HEATR5A: variants seen among roughly 807,000 people sequenced by gnomAD.
The protein encoded by HEATR5A is HEAT repeat containing 5A.
HEATR5A carries 178 observed loss-of-function variants against 218.8 expected under a neutral mutation model. The ratio of observed to expected loss-of-function variants is 0.81; its 90% CI spans 0.72 to 0.92. The LOEUF (loss-of-function observed/expected upper bound fraction) is 0.92. HEATR5A is among the 40% of genes least tolerant of loss of function. The pLI, the probability that HEATR5A is intolerant of heterozygous loss-of-function variation, is 0.00. For missense variants in HEATR5A, 2,420 were observed against 2,418.9 expected (o/e 1.00, Z -0.01); for synonymous variants, 864 against 871.6 (o/e 0.99, Z 0.15).
intron 14 of HEATR5A, among the ~76,000 whole-genome samples, chr14:31,360,950 G>A (rs1348578102): frequency 6.6e-6 from 1 of 151,970 alleles, no homozygotes; most frequent in East Asian, 1.9e-4. Flanking sequence ...GATTACACAC[G>A]GTGCTTGGCT....
At chr14:31,418,096 T>C (rs975974403) in intron 1 of HEATR5A, among the ~76,000 whole-genome samples, 2 of 151,878 alleles carry the variant, frequency 1.3e-5, no homozygotes, top group Non-Finnish European at 2.9e-5. Context: ...TACTCCCAGC[T>C]ACTCGGGAGG....
chr14:31,298,857 T>TTTCTC (rs991495046), intron 33 of HEATR5A, among the ~76,000 whole-genome samples: 2 of 152,160 alleles, frequency 1.3e-5, no homozygotes, highest in African/African-American at 4.8e-5. Context: ...CATTTAGCTA[T>TTTCTC]TTCTCTTCTT....
At chr14:31,368,811 C>T (rs1215406807) in intron 13 of HEATR5A, among the ~76,000 whole-genome samples, 1 of 151,912 alleles carries the variant, frequency 6.6e-6, no homozygotes, top group Non-Finnish European at 1.5e-5. Context: ...ATCCTCTCAC[C>T]TCAGCCTCCC....
intron 25 of HEATR5A, among the ~76,000 whole-genome samples, chr14:31,318,672 TAG>T (rs754400117): frequency 2.2e-4 from 33 of 152,310 alleles, no homozygotes; most frequent in Non-Finnish European, 4.1e-4. Context: ...GTATTTTTAG[TAG>T]AGACAGGGTT....
chr14:31,409,703 A>C (rs1200294083), intron 1 of HEATR5A, among the ~76,000 whole-genome samples: 1 of 152,096 alleles, frequency 6.6e-6, no homozygotes, highest in African/African-American at 2.4e-5. Context: ...AAACAAACAA[A>C]ACCAACCATA....
At chr14:31,356,344 C>T (rs1053946724) in intron 16 of HEATR5A, among the ~76,000 whole-genome samples, 1 of 152,158 alleles carries the variant, frequency 6.6e-6, no homozygotes, top group Non-Finnish European at 1.5e-5. Context: ...TCAAGCGAAC[C>T]TCCCACCTCA....
chr14:31,381,214 A>C (rs118181747), intron 10 of HEATR5A, among the ~76,000 whole-genome samples: 1,923 of 152,106 alleles, frequency 0.013, 24 homozygotes, highest in African/African-American at 0.038. Flanking sequence ...TGCCACTGAA[A>C]CTCCAGCCTG....
At chr14:31,340,273 G>A (rs1466036863) in intron 21 of HEATR5A, among the ~76,000 whole-genome samples, 1 of 152,108 alleles carries the variant, frequency 6.6e-6, no homozygotes, top group Non-Finnish European at 1.5e-5. Flanking sequence ...GGAAGGATTT[G>A]CTTATACTGG....
At chr14:31,302,682 A>G (rs1473322174) in intron 32 of HEATR5A, 163 bp from the exon 33 acceptor site, 1 of 576,252 alleles carries the variant, frequency 1.7e-6, no homozygotes, top group Non-Finnish European at 3.0e-6. Flanking sequence ...GCTTTATTAA[A>G]ATTTTTATGG....
chr14:31,387,823 G>A (rs1296725646), intron 7 of HEATR5A, among the ~76,000 whole-genome samples: 1 of 152,156 alleles, frequency 6.6e-6, no homozygotes, highest in Non-Finnish European at 1.5e-5. Context: ...GCCTCCCAAA[G>A]TGCTGGGATT....
chr14:31,335,940 C>T (rs1195948130), intron 22 of HEATR5A, among the ~76,000 whole-genome samples: 1 of 150,642 alleles, frequency 6.6e-6, no homozygotes, highest in Non-Finnish European at 1.5e-5. Context: ...CAAGCGTGAG[C>T]CACTGTGACC....
intron 9 of HEATR5A, among the ~76,000 whole-genome samples, chr14:31,384,593 C>A (rs1352982539): frequency 6.7e-6 from 1 of 149,628 alleles, no homozygotes; most frequent in Admixed American, 6.7e-5. Context: ...GTGGTGCAAT[C>A]TTGGTTCACT....
chr14:31,389,571 A>T (rs1816840863), intron 6 of HEATR5A, among the ~76,000 whole-genome samples: 1 of 152,190 alleles, frequency 6.6e-6, no homozygotes, highest in Admixed American at 6.5e-5. Context: ...TAACTAAGAG[A>T]TTAATTAAGG....
intron 22 of HEATR5A, among the ~76,000 whole-genome samples, chr14:31,328,573 T>A (rs1361830910): frequency 6.6e-6 from 1 of 152,042 alleles, no homozygotes; most frequent in African/African-American, 2.4e-5. Context: ...CAAGACTGGG[T>A]AATTTATTTA....
At chr14:31,371,697 T>C (rs1902043418) in intron 13 of HEATR5A, 113 bp downstream of exon 13, 1 of 456,300 alleles carries the variant, frequency 2.2e-6, no homozygotes. Context: ...AACTAACTGA[T>C]TGCCTTCCTC....
At chr14:31,367,517 C>T (rs1595143173) in intron 13 of HEATR5A, among the ~76,000 whole-genome samples, 1 of 151,280 alleles carries the variant, frequency 6.6e-6, no homozygotes, top group Non-Finnish European at 1.5e-5. Flanking sequence ...CTCCTGCCTC[C>T]ACCTCCTGAG....
At chr14:31,310,742 T>C (rs570617125) in intron 28 of HEATR5A, among the ~76,000 whole-genome samples, 153 of 152,322 alleles carry the variant, frequency 1.0e-3, no homozygotes, top group Middle Eastern at 6.8e-3. Flanking sequence ...CTGTCATTCA[T>C]TTTTCTGTTG....
At chr14:31,414,954 C>T (rs1172141377) in intron 1 of HEATR5A, among the ~76,000 whole-genome samples, 1 of 152,166 alleles carries the variant, frequency 6.6e-6, no homozygotes, top group Admixed American at 6.6e-5. Flanking sequence ...GATTTTCCTG[C>T]CTCAGTCTCC....
chr14:31,400,108 A>G (rs943388265), intron 3 of HEATR5A, among the ~76,000 whole-genome samples, 193 bp downstream of exon 3: 9 of 152,216 alleles, frequency 5.9e-5, no homozygotes, highest in African/African-American at 1.9e-4. Flanking sequence ...AAATACGTCT[A>G]AAGTATTTGT....
Sources: allele counts gnomAD v4.1 joint callset (sites outside exome capture counted in the v4.1 genomes callset), GRCh38; gene constraint gnomAD v4.1.1; transcripts MANE v1.5; gene names NCBI Gene and HGNC (gene_info 2026-07-23, HGNC 2026-07-21).